The following AGMO variants were observed in gnomAD, a reference collection of about 807,000 sequenced individuals.
The protein encoded by AGMO is glyceryl-ether monooxygenase.
A neutral mutation model predicts 60.2 loss-of-function variants in AGMO; 75 were observed. The ratio of observed to expected loss-of-function variants is 1.25; its 90% CI spans 1.03 to 1.51. AGMO has a LOEUF of 1.51. Among genes scored for constraint, AGMO ranks in the 40% most tolerant of loss-of-function variants. The pLI, the probability that AGMO is intolerant of heterozygous loss-of-function variation, is 0.00. For synonymous variants in AGMO, 261 were observed against 177.1 expected, an observed-to-expected ratio of 1.47 and a Z score of -3.76; for missense variants, 763 against 525.5, an observed-to-expected ratio of 1.45 and a Z score of -4.42.
At chr7:15,383,774 C>G (rs891835408) in intron 10 of AGMO, among the ~76,000 whole-genome samples, 3 of 151,602 alleles carry the variant, frequency 2.0e-5, no homozygotes, top group East Asian at 1.9e-4. Context: ...AATGTTAATC[C>G]TATCTTTATT....
chr7:15,246,050 T>TA (rs145047732), intron 12 of AGMO, among the ~76,000 whole-genome samples: 5,780 of 151,944 alleles, frequency 0.038, 370 homozygotes, highest in African/African-American at 0.13. Flanking sequence ...ACTGAAGGCT[T>TA]AAAAAAAAGC....
chr7:15,422,526 A>G, intron 4 of AGMO, among the ~76,000 whole-genome samples: 1 of 152,172 alleles, frequency 6.6e-6, no homozygotes, highest in East Asian at 1.9e-4. Flanking sequence ...AAATGTATGA[A>G]CAGGGAAGAC....
intron 12 of AGMO, among the ~76,000 whole-genome samples, chr7:15,288,836 T>TA (rs1024209447): frequency 2.0e-5 from 3 of 148,158 alleles, no homozygotes; most frequent in African/African-American, 7.5e-5. Flanking sequence ...CAGAGGGCTT[T>TA]AAAAAAATAA....
At position 15,544,990 on chromosome 7, in the gene AGMO, T is replaced by G. The variant is rs1162519269; in HGVS notation, c.258-67A>C. The G allele has an allele frequency of 8.1e-6, 9 of 1,116,334 alleles. No homozygotes were observed. In the East Asian group the frequency reaches 1.4e-4, roughly 17 times the overall value. 69.2% of individuals were successfully genotyped at this position (1,116,334 alleles called of 1,614,324 possible). ...AGAAAAAAAATTACGCTAAAATGTT[T>G]TAGATAACATTTAAAATTAATATCT... On this transcript the variant is annotated intron_variant, in intron 2 of 12. Coordinates refer to ENST00000342526, the MANE Select transcript of AGMO (RefSeq NM_001004320.2).
intron 3 of AGMO, among the ~76,000 whole-genome samples, chr7:15,539,822 T>C (rs1583664832): frequency 6.6e-6 from 1 of 152,328 alleles, no homozygotes; most frequent in Admixed American, 6.5e-5. Context: ...TTTTTAATAA[T>C]AGTCATTCTG....
intron 12 of AGMO, among the ~76,000 whole-genome samples, chr7:15,205,631 A>G (rs1184564278): frequency 1.3e-5 from 2 of 152,158 alleles, no homozygotes; most frequent in African/African-American, 4.8e-5. Context: ...AATTTGAGTT[A>G]CTTTAAGTAT....
chr7:15,379,739 T>A (rs966310741), intron 10 of AGMO, among the ~76,000 whole-genome samples: 1 of 151,850 alleles, frequency 6.6e-6, no homozygotes, highest in Non-Finnish European at 1.5e-5. Flanking sequence ...TATCCTTGAC[T>A]GACAGTAATG....
intron 3 of AGMO, among the ~76,000 whole-genome samples, chr7:15,442,545 C>G (rs1781586214): frequency 6.6e-6 from 1 of 152,080 alleles, no homozygotes; most frequent in Non-Finnish European, 1.5e-5. Flanking sequence ...ACATCCAAAC[C>G]CAAATCTATT....
intron 2 of AGMO, among the ~76,000 whole-genome samples, chr7:15,553,326 AAAAT>A (rs912478634): frequency 2.6e-5 from 4 of 151,806 alleles, no homozygotes; most frequent in East Asian, 1.9e-4. Context: ...TATAATAAAA[AAAAT>A]AAATAAATAA....
intron 4 of AGMO, among the ~76,000 whole-genome samples, chr7:15,419,924 A>C (rs904005680): frequency 2.0e-5 from 3 of 152,112 alleles, no homozygotes; most frequent in Admixed American, 1.3e-4. Flanking sequence ...TGATTGTTTC[A>C]TAATACATTA....
intron 3 of AGMO, among the ~76,000 whole-genome samples, chr7:15,532,893 A>C (rs1186053404): frequency 6.6e-6 from 1 of 152,138 alleles, no homozygotes; most frequent in Admixed American, 6.6e-5. Flanking sequence ...CAGGAGGCTG[A>C]GGTGGTAGGA....
intron 5 of AGMO, among the ~76,000 whole-genome samples, chr7:15,400,818 T>C (rs913169618): frequency 7.9e-5 from 12 of 152,198 alleles, no homozygotes; most frequent in Admixed American, 3.9e-4. Flanking sequence ...GGCAAGTGAA[T>C]ACCATAAATT....
chr7:15,368,981 C>T (rs1051056744), intron 10 of AGMO, among the ~76,000 whole-genome samples: 1 of 152,228 alleles, frequency 6.6e-6, no homozygotes, highest in African/African-American at 2.4e-5. Context: ...AGCTCCTCCT[C>T]TACAACATAT....
chr7:15,150,858 C>T, the AGMO span, among the ~76,000 whole-genome samples: 1 of 152,020 alleles, frequency 6.6e-6, no homozygotes, highest in African/African-American at 2.4e-5. Context: ...ATAGTCCCTC[C>T]TCCTTGATTT....
chr7:15,462,203 C>G (rs927723656), intron 3 of AGMO, among the ~76,000 whole-genome samples: 1 of 152,082 alleles, frequency 6.6e-6, no homozygotes, highest in Non-Finnish European at 1.5e-5. Flanking sequence ...GCAGTTATTC[C>G]CCGGTACCCT....
chr7:15,313,451 T>C (rs1194560666), intron 12 of AGMO, among the ~76,000 whole-genome samples: 1 of 152,180 alleles, frequency 6.6e-6, no homozygotes, highest in Admixed American at 6.6e-5. Context: ...TTCTGTCTGT[T>C]TCAAAAACCC....
chr7:15,152,753 A>G, the AGMO span, among the ~76,000 whole-genome samples: 594 of 152,252 alleles, frequency 3.9e-3, 4 homozygotes, highest in African/African-American at 0.014. Flanking sequence ...ATTAATGGGC[A>G]TTTGGGCTGG....
the AGMO span, among the ~76,000 whole-genome samples, chr7:15,156,603 G>T: frequency 6.6e-6 from 1 of 152,198 alleles, no homozygotes; most frequent in East Asian, 1.9e-4. Flanking sequence ...GGTCAATGAT[G>T]AGAGTAAGCC....
intron 3 of AGMO, among the ~76,000 whole-genome samples, chr7:15,438,932 T>C (rs372268434): frequency 3.3e-4 from 51 of 152,344 alleles, no homozygotes; most frequent in Middle Eastern, 6.8e-3. Context: ...GATTTATCAG[T>C]CTATCTTCTT....
Sources: allele counts gnomAD v4.1 joint callset (sites outside exome capture counted in the v4.1 genomes callset), GRCh38; gene constraint gnomAD v4.1.1; transcripts MANE v1.5; gene names NCBI Gene and HGNC (gene_info 2026-07-23, HGNC 2026-07-21).